The following KIDINS220 variants were observed in gnomAD, a reference collection of about 807,000 sequenced individuals.
The protein encoded by KIDINS220 is kinase D interacting substrate 220.
KIDINS220 carries 63 observed loss-of-function variants against 157.6 expected under a neutral mutation model. That is an observed-to-expected ratio of 0.40 (90% CI 0.33 to 0.49). The LOEUF (loss-of-function observed/expected upper bound fraction) is 0.49. KIDINS220 is among the 20% of genes least tolerant of loss of function. The pLI, the probability that KIDINS220 is intolerant of heterozygous loss-of-function variation, is 0.66. For missense variants in KIDINS220, 1,772 were observed against 2,171.2 expected (o/e 0.82, Z 3.65); for synonymous variants, 732 against 783.6 (o/e 0.93, Z 1.10).
intron 2 of KIDINS220, among the ~76,000 whole-genome samples, chr2:8,819,205 C>T (rs781766900): frequency 6.6e-6 from 1 of 151,872 alleles, no homozygotes; most frequent in African/African-American, 2.4e-5. Context: ...TGAAATAGGA[C>T]GAGAAGAAGA....
In KIDINS220 at chr2:8,806,317, A is replaced by G. The variant is rs1022668587; in HGVS notation, c.557T>C (p.Val186Ala). The G allele has an allele frequency of 6.2e-7, 1 of 1,611,334 alleles. No homozygotes were observed. Among genetic ancestry groups the G allele is most frequent in the African/African-American group, 1.3e-5 (1 of 75,002 alleles). Residue 186 changes from valine to alanine, a missense_variant, in exon 7 of 30, where the codon GTG (valine) becomes GCG (alanine). Physicochemically the swap from Val to Ala is moderately conservative, Grantham distance 64. Coordinates refer to ENST00000256707, the MANE Select transcript of KIDINS220 (RefSeq NM_020738.4). The part of the protein sequence containing the change: ...WAARKGHLEC[V>A]KHLLAMGADV... Reference sequence around the variant, plus strand: ...AGCTCCCATGGCCAATAAATGTTTCACACATTCCAAATGACCCTTTCGTGC... The same window carrying G: ...AGCTCCCATGGCCAATAAATGTTTCGCACATTCCAAATGACCCTTTCGTGC...
intron 17 of KIDINS220, among the ~76,000 whole-genome samples, chr2:8,781,825 T>C (rs1169055445): frequency 6.6e-6 from 1 of 152,154 alleles, no homozygotes; most frequent in Non-Finnish European, 1.5e-5. Context: ...AAGAAAGATA[T>C]AAAATCAGTA....
In KIDINS220 at chr2:8,776,800, A is replaced by C. The variant is rs531261610; in HGVS notation, c.2796T>G (p.Ser932Arg). The change falls in exon 21 of 30, where the codon AGT (serine) becomes AGG (arginine). Residue 932 changes from serine (S) to arginine (R), a missense_variant. By Grantham distance (110) the Ser-to-Arg change is moderately radical. This residue lies in a region of KIDINS220 where 725 missense variants were observed against 1,017.1 expected (regional missense o/e 0.71). Transcript: ENST00000256707. ...TTCTCATGGTCTGGGGACTGATGTC[A>C]CTGAACCAGTCCTCGGTAACCAGCA... The part of the protein sequence containing the change: ...TKLLVTEDWF[S>R]DISPQTMRRL... 6.2e-7 allele frequency: 1 copy of C among 1,613,920 alleles called. No homozygotes were observed. Among genetic ancestry groups the C allele is most frequent in the Non-Finnish European group, 8.5e-7 (1 of 1,179,814 alleles).
At chr2:8,721,591 T>C (rs1486808266), downstream of KIDINS220, 1 of 152,252 alleles carries the variant, frequency 6.6e-6, no homozygotes, top group African/African-American at 2.4e-5. Flanking sequence ...CTGATGATGA[T>C]GATGATACTG....
chr2:8,778,170 A>C (rs1038979538), intron 20 of KIDINS220, among the ~76,000 whole-genome samples: 1 of 152,240 alleles, frequency 6.6e-6, no homozygotes, highest in Non-Finnish European at 1.5e-5. Context: ...AGAAACCCCC[A>C]GTGGCTGGGA....
intron 20 of KIDINS220, among the ~76,000 whole-genome samples, chr2:8,777,093 A>G (rs1671070711): frequency 6.6e-6 from 1 of 152,272 alleles, no homozygotes; most frequent in Non-Finnish European, 1.5e-5. Flanking sequence ...CAGCAACTGC[A>G]TGAAATGCTA....
At chr2:8,736,701 C>A (rs1267540849) in intron 27 of KIDINS220, among the ~76,000 whole-genome samples, 167 bp downstream of exon 27, 1 of 152,126 alleles carries the variant, frequency 6.6e-6, no homozygotes, top group Non-Finnish European at 1.5e-5. Flanking sequence ...GAAAACAGGG[C>A]AATTTTAGAA....
intron 3 of KIDINS220, 114 bp from the exon 4 acceptor site, chr2:8,817,830 G>T: frequency 3.1e-6 from 2 of 646,676 alleles, no homozygotes; most frequent in Non-Finnish European, 2.6e-6. Flanking sequence ...GACATGGTGT[G>T]ACCCATGCTA....
intron 26 of KIDINS220, among the ~76,000 whole-genome samples, chr2:8,737,442 A>G (rs1206564542): frequency 6.6e-6 from 1 of 152,258 alleles, no homozygotes; most frequent in Non-Finnish European, 1.5e-5. Flanking sequence ...ATACTAGACA[A>G]TTAAGCAACT....
chr2:8,817,263 C>T (rs545151623), intron 4 of KIDINS220, among the ~76,000 whole-genome samples: 4 of 152,212 alleles, frequency 2.6e-5, no homozygotes, highest in African/African-American at 9.6e-5. Context: ...TAACTTCAAA[C>T]ACCTGATAAT....
Position 8,788,635 on chromosome 2 carries a change from G to T in KIDINS220, c.1787+12C>A, listed in dbSNP as rs780529331. Reference sequence around the variant, plus strand: ...TCATTGAAGATTTCTTCTGTCAAATGGTACAACTCACCTCACAGGTAAAGC... The same window carrying T: ...TCATTGAAGATTTCTTCTGTCAAATTGTACAACTCACCTCACAGGTAAAGC... On this transcript the variant is annotated intron_variant, in intron 15 of 29. Transcript: ENST00000256707. The T allele has an allele frequency of 6.3e-7, 1 of 1,599,648 alleles. No homozygotes were observed. Among genetic ancestry groups the T allele is most frequent in the East Asian group, 2.2e-5 (1 of 44,748 alleles).
chr2:8,823,057 C>G (rs1678232412), intron 2 of KIDINS220, among the ~76,000 whole-genome samples: 1 of 152,088 alleles, frequency 6.6e-6, no homozygotes, highest in Non-Finnish European at 1.5e-5. Flanking sequence ...CTCACTGCAG[C>G]CTTGAACTCC....
chr2:8,729,146 T>C lies in KIDINS220; in HGVS notation c.*1574A>G, dbSNP rs542618637. On this transcript the variant is annotated 3_prime_UTR_variant, in exon 30 of 30. Transcript: ENST00000256707. ...TTAAGACTTCAGTGTATAATGTCAA[T>C]AACATCCTGCCTTTTTAAAATTGCT... 2 of 984,344 alleles carry C rather than the reference T, an allele frequency of 2.0e-6. No individual in the cohort carries two copies. The highest frequency in any genetic ancestry group is 3.5e-5 in the African/African-American group (2 of 57,332). 61.0% of individuals were successfully genotyped at this position (984,344 alleles called of 1,614,324 possible).
At chr2:8,808,328 TCATAAAGC>T (rs1332864163) in intron 6 of KIDINS220, among the ~76,000 whole-genome samples, 3 of 152,182 alleles carry the variant, frequency 2.0e-5, no homozygotes, top group African/African-American at 7.2e-5. Flanking sequence ...AAATCACCCT[TCATAAAGC>T]CTTTTAAAAA....
intron 17 of KIDINS220, among the ~76,000 whole-genome samples, chr2:8,781,486 A>G (rs151183900): frequency 2.0e-5 from 3 of 152,132 alleles, no homozygotes; most frequent in African/African-American, 7.2e-5. Flanking sequence ...TCAAACTCAC[A>G]TAAAGCATTC....
intron 26 of KIDINS220, among the ~76,000 whole-genome samples, chr2:8,739,700 T>C (rs772304784): frequency 5.9e-5 from 9 of 152,228 alleles, no homozygotes; most frequent in Admixed American, 1.3e-4. Context: ...TGCATTCTTA[T>C]TGAAATTATC....
chr2:8,757,698 G>A (rs1262569000), intron 22 of KIDINS220: 1 of 1,612,526 alleles, frequency 6.2e-7, no homozygotes, highest in Non-Finnish European at 8.5e-7. Flanking sequence ...CCATTAAAAT[G>A]GCTTTTCTCA....
At chr2:8,801,695 C>T (rs1464702982) in intron 8 of KIDINS220, among the ~76,000 whole-genome samples, 2 of 152,146 alleles carry the variant, frequency 1.3e-5, no homozygotes, top group East Asian at 3.9e-4. Flanking sequence ...CACTTGAGGC[C>T]AGGAGTTCGA....
At chr2:8,837,119 G>C (rs139036825) in intron 1 of KIDINS220, among the ~76,000 whole-genome samples, 1 of 152,240 alleles carries the variant, frequency 6.6e-6, no homozygotes, top group East Asian at 1.9e-4. Context: ...AGCTAAGGGG[G>C]CTCTCAAGGT....
Sources: allele counts gnomAD v4.1 joint callset (sites outside exome capture counted in the v4.1 genomes callset), GRCh38; gene constraint gnomAD v4.1.1; regional missense constraint gnomAD v4.1.1; transcripts MANE v1.5; gene names NCBI Gene and HGNC (gene_info 2026-07-23, HGNC 2026-07-21).